TENM3: variants seen among roughly 807,000 people sequenced by gnomAD.
TENM3 encodes the protein teneurin-3.
A neutral mutation model predicts 255.1 loss-of-function variants in TENM3; 63 were observed. That is an observed-to-expected ratio of 0.25 (90% CI 0.20 to 0.30). The LOEUF is 0.30. Among genes scored for constraint, TENM3 ranks in the 10% least tolerant of loss-of-function variants. The pLI, the probability that TENM3 is intolerant of heterozygous loss-of-function variation, is 1.00. For synonymous variants in TENM3, 1,306 were observed against 1,322.3 expected (o/e 0.99, Z 0.27); for missense variants, 2,929 against 3,461.1 (o/e 0.85, Z 3.86).
the TENM3 span, among the ~76,000 whole-genome samples, chr4:181,604,122 G>T: frequency 6.6e-6 from 1 of 152,018 alleles, no homozygotes; most frequent in African/African-American, 2.4e-5. Context: ...AAAATTAGCC[G>T]GGCGTGGTGG....
At chr4:182,571,803 T>C (rs987495272) in intron 3 of TENM3, among the ~76,000 whole-genome samples, 2 of 152,178 alleles carry the variant, frequency 1.3e-5, no homozygotes, top group African/African-American at 4.8e-5. Flanking sequence ...CATAGAAGAC[T>C]GAAAGTTTCA....
chr4:182,237,375 C>T (rs28837511), intron 1 of TENM3, among the ~76,000 whole-genome samples: 10 of 148,194 alleles, frequency 6.7e-5, no homozygotes, highest in East Asian at 2.0e-4. Flanking sequence ...ATTCTGTTTT[C>T]TTTTTTTTGA....
the TENM3 span, among the ~76,000 whole-genome samples, chr4:181,991,920 C>T: frequency 2.0e-5 from 3 of 152,084 alleles, no homozygotes. Context: ...TACTCACAAT[C>T]CTGCCTTGTA....
chr4:181,459,729 T>C, the TENM3 span, among the ~76,000 whole-genome samples: 1 of 151,964 alleles, frequency 6.6e-6, no homozygotes, highest in Admixed American at 6.6e-5. Flanking sequence ...AGTTTTATAG[T>C]AAATTTTGAA....
chr4:182,612,980 G>A (rs950031422), intron 4 of TENM3, among the ~76,000 whole-genome samples: 3 of 152,040 alleles, frequency 2.0e-5, no homozygotes, highest in Non-Finnish European at 2.9e-5. Flanking sequence ...TCTTACCGCC[G>A]GAAATTCTTT....
rs540562354 is a variant in TENM3 at position 182,382,098 on chromosome 4, G to A, written c.511+35169G>A. ...TTATATGGTAGTTTGTAAATATGTG[G>A]ATTTGGTTGACTATCTATGGCTATG... is the stretch of plus-strand genomic sequence containing the variant. On this transcript the variant is annotated intron_variant, in intron 3 of 27. Transcript: ENST00000511685. 7.9e-5 allele frequency among the ~76,000 whole-genome samples: 12 copies of A among 152,274 alleles called. 1 individual carries two copies. The South Asian group carries it at 2.5e-3, about 32-fold the overall frequency.
intron 3 of TENM3, among the ~76,000 whole-genome samples, chr4:182,418,069 T>G (rs982566627): frequency 6.6e-6 from 1 of 152,202 alleles, no homozygotes; most frequent in African/African-American, 2.4e-5. Flanking sequence ...AACATTTATC[T>G]GTGCAGGTGC....
At chr4:182,154,985 G>GT (rs1019994637) in intron 1 of TENM3, among the ~76,000 whole-genome samples, 1 of 152,052 alleles carries the variant, frequency 6.6e-6, no homozygotes, top group Non-Finnish European at 1.5e-5. Context: ...GGAGACCTCT[G>GT]TTTTTTTGGT....
the TENM3 span, among the ~76,000 whole-genome samples, chr4:181,938,971 AC>A: frequency 6.6e-6 from 1 of 152,194 alleles, no homozygotes; most frequent in Non-Finnish European, 1.5e-5. Context: ...GTACGTTAGC[AC>A]TAAAGAACAG....
intron 1 of TENM3, among the ~76,000 whole-genome samples, chr4:182,233,543 T>C (rs1291909412): frequency 6.6e-6 from 1 of 152,246 alleles, no homozygotes; most frequent in Non-Finnish European, 1.5e-5. Flanking sequence ...CAAAACTGTA[T>C]GCTGCTTATG....
the TENM3 span, among the ~76,000 whole-genome samples, chr4:182,100,806 TACAC>T: frequency 0.53 from 3,108 of 5,848 alleles, 954 homozygotes; most frequent in South Asian, 0.7. Context: ...CACATATATA[TACAC>T]ATATATATAC....
the TENM3 span, among the ~76,000 whole-genome samples, chr4:182,028,996 G>A: frequency 8.6e-5 from 13 of 152,020 alleles, no homozygotes; most frequent in East Asian, 1.9e-4. Flanking sequence ...TGTATTAGTC[G>A]ATTTTCACGT....
the TENM3 span, among the ~76,000 whole-genome samples, chr4:181,550,118 G>C: frequency 6.6e-6 from 1 of 152,144 alleles, no homozygotes. Context: ...GTGTATGGGA[G>C]ACAGTATGTT....
the TENM3 span, among the ~76,000 whole-genome samples, chr4:181,938,458 CAT>C: frequency 1.3e-5 from 2 of 152,184 alleles, no homozygotes; most frequent in Admixed American, 1.3e-4. Context: ...ACACAACAAG[CAT>C]ATGATATTTA....
At chr4:181,954,765 T>C in the TENM3 span, among the ~76,000 whole-genome samples, 1 of 152,210 alleles carries the variant, frequency 6.6e-6, no homozygotes, top group Non-Finnish European at 1.5e-5. Context: ...GAAATATTAA[T>C]ATATGCCTAT....
the TENM3 span, among the ~76,000 whole-genome samples, chr4:182,068,425 T>C: frequency 2.0e-5 from 3 of 151,502 alleles, no homozygotes; most frequent in Non-Finnish European, 2.9e-5. Flanking sequence ...TCAGTATGAA[T>C]CACATTAAAA....
chr4:181,645,393 G>A, the TENM3 span, among the ~76,000 whole-genome samples: 1 of 152,192 alleles, frequency 6.6e-6, no homozygotes, highest in Admixed American at 6.5e-5. Flanking sequence ...TGGGAACTCA[G>A]GAGGAGGAAT....
chr4:181,987,410 G>A, the TENM3 span, among the ~76,000 whole-genome samples: 12 of 152,112 alleles, frequency 7.9e-5, no homozygotes, highest in African/African-American at 1.4e-4. Flanking sequence ...TGACTGCAGC[G>A]CTAAACAATC....
At chr4:181,844,270 A>G in the TENM3 span, among the ~76,000 whole-genome samples, 1 of 152,178 alleles carries the variant, frequency 6.6e-6, no homozygotes, top group Non-Finnish European at 1.5e-5. Context: ...TTGGGGGGAC[A>G]CATTCAAACC....
Sources: gnomAD v4.1 joint callset for allele counts (sites outside exome capture counted in the v4.1 genomes callset) on GRCh38, gnomAD v4.1.1 for gene constraint, MANE v1.5 for transcripts, NCBI Gene and HGNC (gene_info 2026-07-23, HGNC 2026-07-21) for gene names.